The following CLIC4 variants were observed in gnomAD, a reference collection of about 807,000 sequenced individuals.
The protein encoded by CLIC4 is CLIC family member 4.
In CLIC4, 13 loss-of-function variants were observed where a neutral mutation model predicts 24.6. The observed-to-expected ratio is 0.53, with a 90% CI of 0.34 to 0.84. The LOEUF (loss-of-function observed/expected upper bound fraction) is 0.84, where lower values mean the gene tolerates loss of function less well. Among genes scored for constraint, CLIC4 ranks in the 40% least tolerant of loss-of-function variants. The pLI is 0.01. For missense variants in CLIC4, 227 were observed against 301.7 expected (o/e 0.75, Z 1.83); for synonymous variants, 104 against 111.3 (o/e 0.93, Z 0.41).
At chr1:24,788,921 A>G (rs1352559762) in intron 1 of CLIC4, among the ~76,000 whole-genome samples, 3 of 152,224 alleles carry the variant, frequency 2.0e-5, no homozygotes, top group Non-Finnish European at 4.4e-5. Context: ...CTGCTCTACT[A>G]TAAACACCAC....
chr1:24,819,867 A>G (rs1389164844), intron 3 of CLIC4, among the ~76,000 whole-genome samples: 2 of 147,564 alleles, frequency 1.4e-5, no homozygotes, highest in African/African-American at 5.0e-5. Flanking sequence ...AGTCTCTTGA[A>G]TAGCTGGGAT....
Position 24,844,011 on chromosome 1 carries a change from C to T in CLIC4, c.*3074C>T, listed in dbSNP as rs1639968556. On this transcript the variant is annotated 3_prime_UTR_variant, in exon 6 of 6. Coordinates refer to ENST00000374379, the MANE Select transcript of CLIC4 (RefSeq NM_013943.3). Reference sequence around the variant, plus strand: ...GAGAGGGGAGCATCCATTATTGATACATGTGGGCTTTTAAAAACTCCATCC... The same window carrying T: ...GAGAGGGGAGCATCCATTATTGATATATGTGGGCTTTTAAAAACTCCATCC... 6.6e-6 allele frequency: 1 copy of T among 152,582 alleles called. No individual in the cohort carries two copies. The highest frequency in any genetic ancestry group is 2.1e-4 in the South Asian group (1 of 4,836). 9.5% of individuals were successfully genotyped at this position (152,582 alleles called of 1,614,324 possible).
At chr1:24,820,267 C>CTGTTT (rs1639716084) in intron 3 of CLIC4, among the ~76,000 whole-genome samples, 1 of 49,762 alleles carries the variant, frequency 2.0e-5, no homozygotes, top group African/African-American at 9.0e-5. Flanking sequence ...CCTTTTTGGT[C>CTGTTT]TTTTTTTTTT....
chr1:24,782,806 T>C (rs960033992), intron 1 of CLIC4, among the ~76,000 whole-genome samples: 12 of 151,934 alleles, frequency 7.9e-5, no homozygotes, highest in African/African-American at 2.7e-4. Context: ...AGAGCAAAAC[T>C]GTCTCTACAA....
intron 1 of CLIC4, among the ~76,000 whole-genome samples, chr1:24,782,954 T>G (rs1639222247): frequency 6.6e-6 from 1 of 152,116 alleles, no homozygotes; most frequent in South Asian, 2.1e-4. Context: ...CATTCCAGCC[T>G]GGGCAGCAGA....
chr1:24,754,965 G>T (rs754421304), intron 1 of CLIC4, among the ~76,000 whole-genome samples: 4 of 150,438 alleles, frequency 2.7e-5, no homozygotes, highest in Non-Finnish European at 5.9e-5. Context: ...CCAGCTACTC[G>T]GGAGGCTGAG....
Position 24,809,001 on chromosome 1 carries a change from CAGTT to C in CLIC4, c.183-5092_183-5089del, listed in dbSNP as rs534138586. Among the ~76,000 whole-genome samples the C allele has an allele frequency of 5.9e-5, 9 of 152,132 alleles. No individual in the cohort carries two copies. The South Asian group carries it at 6.2e-4, about 11-fold the overall frequency. Reference sequence around the variant, plus strand: ...CCTTTTAAAAAATATTTTTGATCCTCAGTTGGTTGAATCCACAGATGCTGAACCC... The same window carrying C: ...CCTTTTAAAAAATATTTTTGATCCTCGGTTGAATCCACAGATGCTGAACCC... On this transcript the variant is annotated intron_variant, in intron 2 of 5. Transcript: ENST00000374379.
chr1:24,781,231 T>G (rs1395008860), intron 1 of CLIC4, among the ~76,000 whole-genome samples: 1 of 148,786 alleles, frequency 6.7e-6, no homozygotes. Context: ...GTCTCCCTGG[T>G]TCAAGCGATT....
At chr1:24,821,198 GA>G (rs11400541) in intron 3 of CLIC4, among the ~76,000 whole-genome samples, 1,994 of 145,264 alleles carry the variant, frequency 0.014, 48 homozygotes, top group African/African-American at 0.047. Context: ...AAAGAAGAAG[GA>G]AAAAAAAAAA....
At chr1:24,826,172 GT>G (rs1639785363) in intron 3 of CLIC4, among the ~76,000 whole-genome samples, 1 of 152,202 alleles carries the variant, frequency 6.6e-6, no homozygotes, top group Non-Finnish European at 1.5e-5. Context: ...TATTACATCT[GT>G]TCTAAAAGTA....
chr1:24,794,947 G>A (rs930543178), intron 1 of CLIC4, among the ~76,000 whole-genome samples: 1 of 152,150 alleles, frequency 6.6e-6, no homozygotes, highest in East Asian at 1.9e-4. Flanking sequence ...GATTGAATAT[G>A]GAGTCTTTGA....
intron 2 of CLIC4, among the ~76,000 whole-genome samples, chr1:24,800,286 C>T (rs1379004836): frequency 1.6e-5 from 1 of 61,740 alleles, no homozygotes; most frequent in Non-Finnish European, 3.3e-5. Flanking sequence ...CCCGGCCGCC[C>T]CTACTGGGAA....
At chr1:24,782,211 G>A (rs1639213863) in intron 1 of CLIC4, among the ~76,000 whole-genome samples, 1 of 152,110 alleles carries the variant, frequency 6.6e-6, no homozygotes, top group African/African-American at 2.4e-5. Flanking sequence ...GGAACCACTG[G>A]CAAGCCCATA....
At chr1:24,771,907 G>A (rs1409946106) in intron 1 of CLIC4, 3 of 511,978 alleles carry the variant, frequency 5.9e-6, no homozygotes, top group African/African-American at 1.9e-5. Context: ...ATTTCTTGGA[G>A]GTGATGTTCA....
intron 3 of CLIC4, among the ~76,000 whole-genome samples, chr1:24,825,108 A>G (rs1639775035): frequency 6.6e-6 from 1 of 152,146 alleles, no homozygotes; most frequent in Non-Finnish European, 1.5e-5. Context: ...CACTGTATGT[A>G]TGAATGATGA....
intron 1 of CLIC4, among the ~76,000 whole-genome samples, chr1:24,753,326 A>G (rs1415776192): frequency 4.6e-5 from 7 of 152,352 alleles, no homozygotes; most frequent in African/African-American, 1.4e-4. Context: ...GTTAAGTACT[A>G]TGGAAGATAT....
intron 3 of CLIC4, among the ~76,000 whole-genome samples, chr1:24,823,217 A>T (rs547189812): frequency 1.9e-3 from 296 of 152,334 alleles, no homozygotes; most frequent in African/African-American, 6.9e-3. Context: ...TGAAAAGCTC[A>T]AATCAGATAA....
At chr1:24,791,899 A>G (rs1349131061) in intron 1 of CLIC4, among the ~76,000 whole-genome samples, 1 of 151,206 alleles carries the variant, frequency 6.6e-6, no homozygotes, top group African/African-American at 2.4e-5. Flanking sequence ...AAATAAATAA[A>G]TAAGCCAGCC....
Position 24,745,522 on chromosome 1 carries a change from C to G in CLIC4, c.-32C>G. ...AGAAGCAGCAGCAGCAGCAGCAGCC[C>G]TCGCCGTTCGCGGAGCGCAGCCGAG... On this transcript the variant is annotated 5_prime_UTR_variant, in exon 1 of 6. Transcript: ENST00000374379. 10 of 1,560,188 alleles carry G rather than the reference C, an allele frequency of 6.4e-6. No individual in the cohort carries two copies. The highest frequency in any genetic ancestry group is 8.7e-6 in the Non-Finnish European group (10 of 1,155,492).
Sources: gnomAD v4.1 joint callset for allele counts (sites outside exome capture counted in the v4.1 genomes callset) on GRCh38, gnomAD v4.1.1 for gene constraint, MANE v1.5 for transcripts, NCBI Gene and HGNC (gene_info 2026-07-23, HGNC 2026-07-21) for gene names.